Variants in CA1 observed in about 807,000 individuals in gnomAD.
CA1 encodes the protein carbonate dehydratase I.
A neutral mutation model predicts 28.8 loss-of-function variants in CA1; 27 were observed. That is an observed-to-expected ratio of 0.94 (90% confidence interval 0.69 to 1.29). The LOEUF (loss-of-function observed/expected upper bound fraction) is 1.29. CA1 is among the 50% of genes most tolerant of loss of function. CA1 has a pLI of 0.00. For missense variants in CA1, 335 were observed against 310.5 expected (o/e 1.08, Z -0.59); for synonymous variants, 121 against 108.8 (o/e 1.11, Z -0.70).
chr8:85,356,306 T>C (rs1285457169), intron 1 of CA1, among the ~76,000 whole-genome samples: 2 of 152,114 alleles, frequency 1.3e-5, no homozygotes, highest in Non-Finnish European at 2.9e-5. Flanking sequence ...GAAATAACAA[T>C]AACAACCTTA....
At chr8:85,359,230 T>C (rs1434600060) in intron 1 of CA1, among the ~76,000 whole-genome samples, 2 of 152,074 alleles carry the variant, frequency 1.3e-5, no homozygotes, top group East Asian at 3.9e-4. Context: ...GAAGCCAAGG[T>C]AGAGAGGAAG....
chr8:85,341,281 A>G (rs1808915834), intron 2 of CA1: 1 of 254,232 alleles, frequency 3.9e-6, no homozygotes, highest in Non-Finnish European at 7.5e-6. Flanking sequence ...GTGTAAACAT[A>G]ACTTGTAAAT....
At chr8:85,353,624 T>C (rs1202428032) in intron 1 of CA1, among the ~76,000 whole-genome samples, 4 of 152,222 alleles carry the variant, frequency 2.6e-5, no homozygotes, top group Non-Finnish European at 5.9e-5. Flanking sequence ...TGTTTTGTTT[T>C]ACTTTTTTTC....
intron 1 of CA1, among the ~76,000 whole-genome samples, chr8:85,360,693 A>G (rs1809761118): frequency 1.3e-5 from 2 of 152,210 alleles, no homozygotes; most frequent in Non-Finnish European, 2.9e-5. Flanking sequence ...TCTCTAAATA[A>G]ATAAATATAT....
intron 1 of CA1, among the ~76,000 whole-genome samples, chr8:85,363,933 G>A (rs1216581171): frequency 6.6e-6 from 1 of 152,082 alleles, no homozygotes; most frequent in Non-Finnish European, 1.5e-5. Flanking sequence ...CCTTTATACT[G>A]TTTATTTTGT....
chr8:85,373,720 G>A (rs1432865145), intron 1 of CA1, among the ~76,000 whole-genome samples: 1 of 152,002 alleles, frequency 6.6e-6, no homozygotes, highest in African/African-American at 2.4e-5. Context: ...CAGATAAGGG[G>A]GACTACTGTA....
At chr8:85,360,045 G>A (rs1370582770) in intron 1 of CA1, among the ~76,000 whole-genome samples, 1 of 152,164 alleles carries the variant, frequency 6.6e-6, no homozygotes, top group Admixed American at 6.6e-5. Context: ...AGCAAGCTAT[G>A]GACATATAGA....
chr8:85,338,158 G>T, intron 3 of CA1, 94 bp downstream of exon 3: 1 of 1,082,636 alleles, frequency 9.2e-7, no homozygotes, highest in South Asian at 1.3e-5. Context: ...AAGCACAAAA[G>T]ACTTAGAATG....
intron 1 of CA1, among the ~76,000 whole-genome samples, chr8:85,376,431 G>A (rs1230931185): frequency 2.0e-5 from 3 of 152,084 alleles, no homozygotes; most frequent in Non-Finnish European, 1.5e-5. Flanking sequence ...GGAGGCCGAG[G>A]TAGGCGGATC....
intron 1 of CA1, among the ~76,000 whole-genome samples, chr8:85,343,826 G>A (rs540207488): frequency 6.6e-6 from 1 of 151,750 alleles, no homozygotes; most frequent in Admixed American, 6.6e-5. Flanking sequence ...AAATTATATA[G>A]AGAAAGGATA....
rs1224025143 is a variant in CA1 at position 85,338,352 on chromosome 8, C to A, written c.135G>T (p.Leu45=). ...KTSETKHDTS[L]KPISVSYNPA... is the part of the protein sequence containing the mutation. ...GGTTGTAGGAGACACTAATAGGTTT[C>A]AGAGAGGTGTCATGTTTGGTTTCAC... is the stretch of plus-strand genomic sequence containing the variant. Residue 45 remains leucine, a synonymous_variant, in exon 3 of 8, where the codon CTG becomes CTT. Transcript: ENST00000523022. The A allele has an allele frequency of 1.9e-6, 3 of 1,613,790 alleles. No individual in the cohort carries two copies. The highest frequency in any genetic ancestry group is 1.7e-5 in the Admixed American group (1 of 60,014).
intron 6 of CA1, 151 bp from the exon 7 acceptor site, chr8:85,329,995 GCGTGTTTGTGGATATAAACAATAATAT>G: frequency 1.5e-6 from 1 of 677,650 alleles, no homozygotes; most frequent in Non-Finnish European, 2.5e-6. Flanking sequence ...TTCATGACTG[GCGTGTTTGTGGATATAAACAATAATAT>G]CAACAGAAGA....
intron 7 of CA1, among the ~76,000 whole-genome samples, chr8:85,328,997 C>CT: frequency 6.6e-6 from 1 of 152,044 alleles, no homozygotes. Context: ...GTTGGGCGAG[C>CT]GACTTATTAG....
At chr8:85,336,854 G>T in intron 4 of CA1, 91 bp downstream of exon 4, 1 of 809,902 alleles carries the variant, frequency 1.2e-6, no homozygotes, top group Non-Finnish European at 2.2e-6. Flanking sequence ...TTCCTTTGGA[G>T]TCATTATGAT....
intron 1 of CA1, among the ~76,000 whole-genome samples, chr8:85,344,722 C>T (rs888255878): frequency 7.2e-5 from 11 of 151,946 alleles, no homozygotes; most frequent in African/African-American, 2.2e-4. Context: ...GAGTGCCATC[C>T]GTGCCTAGTT....
At position 85,338,360 on chromosome 8, in the gene CA1, T is replaced by G. The variant is rs1585923227; in HGVS notation, c.127A>C (p.Thr43Pro). 1 of 1,613,674 alleles carries G rather than the reference T, an allele frequency of 6.2e-7. No homozygotes were observed. The highest frequency in any genetic ancestry group is 8.5e-7 in the Non-Finnish European group (1 of 1,179,698). ...DIKTSETKHD[T>P]SLKPISVSYN... Reference sequence around the variant, plus strand: ...GAGACACTAATAGGTTTCAGAGAGGTGTCATGTTTGGTTTCACTGGTTTTA... The same window carrying G: ...GAGACACTAATAGGTTTCAGAGAGGGGTCATGTTTGGTTTCACTGGTTTTA... The change falls in exon 3 of 8, where the codon ACC becomes CCC. Residue 43 changes from threonine (T) to proline (P), a missense_variant. Coordinates refer to ENST00000523022, the MANE Select transcript of CA1 (RefSeq NM_001128831.4).
intron 1 of CA1, among the ~76,000 whole-genome samples, chr8:85,368,527 A>G (rs537827415): frequency 2.0e-5 from 3 of 151,684 alleles, no homozygotes; most frequent in East Asian, 3.9e-4. Flanking sequence ...CTTTAACAAT[A>G]TGGAGGTGTT....
chr8:85,353,537 C>T (rs1809488772), intron 1 of CA1, among the ~76,000 whole-genome samples: 1 of 152,116 alleles, frequency 6.6e-6, no homozygotes, highest in Admixed American at 6.6e-5. Context: ...TTTTTTGTCC[C>T]TTACTTTTTC....
intron 1 of CA1, among the ~76,000 whole-genome samples, chr8:85,359,078 A>G (rs889838993): frequency 6.6e-6 from 1 of 152,242 alleles, no homozygotes; most frequent in Non-Finnish European, 1.5e-5. Context: ...AAGGAAAACA[A>G]TCATTCAGAA....
Sources: gnomAD v4.1 joint callset for allele counts (sites outside exome capture counted in the v4.1 genomes callset) on GRCh38, gnomAD v4.1.1 for gene constraint, MANE v1.5 for transcripts, NCBI Gene and HGNC (gene_info 2026-07-23, HGNC 2026-07-21) for gene names.